The following ZNRF3 variants were observed in gnomAD, a reference collection of about 807,000 sequenced individuals.
The protein encoded by ZNRF3 is zinc and ring finger 3.
ZNRF3 carries 23 observed loss-of-function variants against 72.5 expected under a neutral mutation model. The ratio of observed to expected loss-of-function variants is 0.32; its 90% CI spans 0.23 to 0.45. ZNRF3 has a LOEUF of 0.45. Among genes scored for constraint, ZNRF3 ranks in the 20% least tolerant of loss-of-function variants. The probability of loss-of-function intolerance (pLI) is 1.00; values close to 1 mark genes in which losing one functional copy is unlikely to be tolerated. For missense variants in ZNRF3, 1,169 were observed against 1,272.1 expected, an observed-to-expected ratio of 0.92 and a Z score of 1.23; for synonymous variants, 610 against 545.3, an observed-to-expected ratio of 1.12 and a Z score of -1.65.
At chr22:28,969,552 G>A (rs972848648) in intron 1 of ZNRF3, among the ~76,000 whole-genome samples, 7 of 152,124 alleles carry the variant, frequency 4.6e-5, no homozygotes, top group South Asian at 2.1e-4. Context: ...CCTGGCATGT[G>A]GGAGGAACAG....
chr22:28,953,838 A>G (rs900512528), intron 1 of ZNRF3, among the ~76,000 whole-genome samples: 10 of 152,266 alleles, frequency 6.6e-5, no homozygotes, highest in African/African-American at 2.4e-4. Flanking sequence ...GCCATGTAGC[A>G]TTGTGCTTCA....
At chr22:28,991,751 C>T (rs1327346904) in intron 2 of ZNRF3, among the ~76,000 whole-genome samples, 1 of 152,144 alleles carries the variant, frequency 6.6e-6, no homozygotes, top group African/African-American at 2.4e-5. Flanking sequence ...AATTGAACAG[C>T]TTACAAGAGC....
intron 1 of ZNRF3, among the ~76,000 whole-genome samples, chr22:28,933,777 CT>C (rs368739221): frequency 7.5e-6 from 1 of 132,844 alleles, no homozygotes; most frequent in African/African-American, 3.0e-5. Context: ...CTCTCTCTCT[CT>C]CCCCTCCCTC....
chr22:28,929,917 C>G (rs1244862790), intron 1 of ZNRF3, among the ~76,000 whole-genome samples: 2 of 152,168 alleles, frequency 1.3e-5, no homozygotes. Flanking sequence ...CTTACATTAA[C>G]CTCAGCCTTG....
intron 1 of ZNRF3, among the ~76,000 whole-genome samples, chr22:28,968,769 C>T (rs1244128063): frequency 6.6e-6 from 1 of 152,070 alleles, no homozygotes; most frequent in South Asian, 2.1e-4. Context: ...ATAAATTAAC[C>T]CCCCAGTGTC....
chr22:29,001,639 T>G (rs992171376), intron 2 of ZNRF3, among the ~76,000 whole-genome samples: 1 of 152,138 alleles, frequency 6.6e-6, no homozygotes, highest in African/African-American at 2.4e-5. Context: ...GCCCAGCTAA[T>G]TTTTTTATTT....
At chr22:28,933,733 CACACA>C in intron 1 of ZNRF3, among the ~76,000 whole-genome samples, 1 of 17,142 alleles carries the variant, frequency 5.8e-5, no homozygotes, top group African/African-American at 1.9e-4. Flanking sequence ...ACCCCCCCCA[CACACA>C]CACACACACA....
chr22:29,043,975 C>CT (rs1041564387), intron 4 of ZNRF3, among the ~76,000 whole-genome samples: 13 of 152,200 alleles, frequency 8.5e-5, no homozygotes, highest in Non-Finnish European at 1.2e-4. Flanking sequence ...AGAAGAGACA[C>CT]TACTGGCCAC....
chr22:29,007,336 A>C (rs1294986835), intron 2 of ZNRF3, among the ~76,000 whole-genome samples: 1 of 152,226 alleles, frequency 6.6e-6, no homozygotes, highest in Non-Finnish European at 1.5e-5. Context: ...AAAACGTCCC[A>C]CTGAAATTAT....
chr22:29,020,583 G>A (rs534478113), intron 2 of ZNRF3, among the ~76,000 whole-genome samples: 8 of 151,650 alleles, frequency 5.3e-5, no homozygotes, highest in Non-Finnish European at 8.8e-5. Flanking sequence ...TTTCTTTTCC[G>A]AGTATTTTTC....
chr22:28,954,456 C>T (rs1376320065), intron 1 of ZNRF3, among the ~76,000 whole-genome samples: 1 of 152,220 alleles, frequency 6.6e-6, no homozygotes, highest in East Asian at 1.9e-4. Flanking sequence ...CCCCACGCAT[C>T]TCCAAGTGCA....
chr22:28,922,506 A>C (rs1363888924), intron 1 of ZNRF3, among the ~76,000 whole-genome samples: 1 of 152,202 alleles, frequency 6.6e-6, no homozygotes, highest in Non-Finnish European at 1.5e-5. Context: ...GTTCTTGAAC[A>C]TACTTCTAAT....
rs1457966534 is a variant in ZNRF3 at position 29,048,374 on chromosome 22, T to A, written c.913-15T>A. 1 of 1,611,074 alleles carries A rather than the reference T, an allele frequency of 6.2e-7. No individual in the cohort carries two copies. Among genetic ancestry groups the A allele is most frequent in the Non-Finnish European group, 8.5e-7 (1 of 1,178,006 alleles). The stretch of plus-strand genomic sequence containing the variant: ...AGGCTGAAGGCAGACTTGTGTCCCC[T>A]CTCTCCCTGCCCAGGAGCTGCGGGT... On this transcript the variant is annotated splice_polypyrimidine_tract_variant and intron_variant, in intron 6 of 8. Coordinates refer to ENST00000544604, the MANE Select transcript of ZNRF3 (RefSeq NM_001206998.2). The surrounding 1 kb of genome is among the most constrained non-coding windows in gnomAD (Gnocchi z 4.9).
Position 28,924,881 on chromosome 22 carries a change from A to AT in ZNRF3, c.300+40816dup, listed in dbSNP as rs972667189. On this transcript the variant is annotated intron_variant, in intron 1 of 8. Transcript: ENST00000544604. The stretch of plus-strand genomic sequence containing the variant: ...TGCCCAAGGCTGGTAGTCAGATCCC[A>AT]TCCTGTTGGAAGGAGAGAGGGGTCT... Among the ~76,000 whole-genome samples the AT allele has an allele frequency of 3.9e-5, 6 of 152,174 alleles. 1 individual carries two copies. The highest frequency in any genetic ancestry group is 8.8e-5 in the Non-Finnish European group (6 of 68,030).
chr22:28,951,555 C>T (rs1007321739), intron 1 of ZNRF3, among the ~76,000 whole-genome samples: 4 of 152,146 alleles, frequency 2.6e-5, no homozygotes, highest in African/African-American at 4.8e-5. Flanking sequence ...TCAACCCTGT[C>T]GACATCTTGA....
intron 2 of ZNRF3, among the ~76,000 whole-genome samples, chr22:29,024,379 G>A (rs2036589386): frequency 6.8e-6 from 1 of 146,110 alleles, no homozygotes; most frequent in African/African-American, 2.5e-5. Context: ...CCCTGTATTT[G>A]TTGGTGAATA....
At chr22:28,895,855 G>C (rs1296121133) in intron 1 of ZNRF3, among the ~76,000 whole-genome samples, 1 of 152,192 alleles carries the variant, frequency 6.6e-6, no homozygotes, top group Non-Finnish European at 1.5e-5. Flanking sequence ...CCATGTGCCT[G>C]TTGCTTTAGG....
intron 1 of ZNRF3, among the ~76,000 whole-genome samples, chr22:28,937,201 ATATATATATATATATTTTT>A (rs1445058969): frequency 2.3e-4 from 1 of 4,394 alleles, no homozygotes; most frequent in African/African-American, 4.7e-4. Flanking sequence ...ATATATATAT[ATATATATATATATATTTTT>A]TTTTTTTTTT....
chr22:29,037,526 A>G (rs2036888047), intron 2 of ZNRF3, among the ~76,000 whole-genome samples: 1 of 152,206 alleles, frequency 6.6e-6, no homozygotes, highest in Non-Finnish European at 1.5e-5. Flanking sequence ...TTCACTTATA[A>G]TAAACATTTA....
Sources: gnomAD v4.1 joint callset for allele counts (sites outside exome capture counted in the v4.1 genomes callset) on GRCh38, gnomAD v4.1.1 for gene constraint, Gnocchi (gnomAD v3.1) non-coding constraint, MANE v1.5 for transcripts, NCBI Gene and HGNC (gene_info 2026-07-23, HGNC 2026-07-21) for gene names.